Variants in NCAN observed in about 807,000 individuals in gnomAD.
NCAN encodes the protein neurocan core protein.
In NCAN, 47 loss-of-function variants were observed where a neutral mutation model predicts 121.8. The observed-to-expected ratio is 0.39, with a 90% CI of 0.31 to 0.49. The LOEUF is 0.49. Among genes scored for constraint, NCAN ranks in the 20% least tolerant of loss-of-function variants. The probability of loss-of-function intolerance (pLI) is 0.92; values close to 1 mark genes in which losing one functional copy is unlikely to be tolerated. For synonymous variants in NCAN, 633 were observed against 702.0 expected (o/e 0.90, Z 1.55); for missense variants, 1,517 against 1,773.4 (o/e 0.86, Z 2.60).
intron 8 of NCAN, among the ~76,000 whole-genome samples, chr19:19,231,330 C>CT (rs560601760): frequency 0.051 from 6,868 of 134,728 alleles, 243 homozygotes; most frequent in East Asian, 0.14. Flanking sequence ...CATGGGGTTT[C>CT]TTTTTTTTTT....
Position 19,250,115 on chromosome 19 carries a change from T to G in NCAN, c.*204T>G, listed in dbSNP as rs1295730995. 1.4e-6 allele frequency: 1 copy of G among 719,888 alleles called. No individual in the cohort carries two copies. Among genetic ancestry groups the G allele is most frequent in the African/African-American group, 1.7e-5 (1 of 57,658 alleles). 44.6% of individuals were successfully genotyped at this position (719,888 alleles called of 1,614,324 possible). A position where few individuals can be genotyped will look rare whatever the true frequency, so the allele number is the denominator to read the frequency against. On this transcript the variant is annotated 3_prime_UTR_variant, in exon 15 of 15. Coordinates refer to ENST00000252575, the MANE Select transcript of NCAN (RefSeq NM_004386.3). ...GATCCTCTTGGCAGGTGGAGCCAGG[T>G]GTCTGAAAAGTTCATTCTCGTCTGG...
chr19:19,225,401 A>T lies in NCAN; in HGVS notation c.1072+131A>T. On this transcript the variant is annotated intron_variant, in intron 6 of 14. Coordinates refer to ENST00000252575, the MANE Select transcript of NCAN (RefSeq NM_004386.3). The surrounding 1 kb of genome is among the most constrained non-coding windows in gnomAD (Gnocchi z 4.0). ...TTGTGATAAGCCACATCCCTGGGTG[A>T]GGGCCACGCCCCCGGGTGAAGGCCA... 8.6e-7 allele frequency: 1 copy of T among 1,162,460 alleles called. No homozygotes were observed. The highest frequency in any genetic ancestry group is 1.6e-5 in the African/African-American group (1 of 60,826). 72.0% of individuals were successfully genotyped at this position (1,162,460 alleles called of 1,614,324 possible). A position where few individuals can be genotyped will look rare whatever the true frequency, so the allele number is the denominator to read the frequency against.
chr19:19,225,233 C>A lies in NCAN; in HGVS notation c.1035C>A (p.Pro345=). Residue 345 remains proline, a synonymous_variant, in exon 6 of 15, where the codon CCC becomes CCA. Coordinates refer to ENST00000252575, the MANE Select transcript of NCAN (RefSeq NM_004386.3). This position sits in a 1 kb window ranked among gnomAD's most constrained non-coding sequence, Gnocchi z 4.0. Reference sequence around the variant, plus strand: ...GCTTCGCTAACCGGACCGGCTTCCCCTCACCCGCCGAGCGCTTCGACGCCT... The same window carrying A: ...GCTTCGCTAACCGGACCGGCTTCCCATCACCCGCCGAGCGCTTCGACGCCT... ...VYRFANRTGF[P]SPAERFDAYC... The A allele has an allele frequency of 6.4e-7, 1 of 1,571,482 alleles. No individual in the cohort carries two copies. The highest frequency in any genetic ancestry group is 8.6e-7 in the Non-Finnish European group (1 of 1,169,556).
intron 3 of NCAN, among the ~76,000 whole-genome samples, chr19:19,222,909 C>T (rs2060821932): frequency 6.6e-6 from 1 of 151,966 alleles, no homozygotes; most frequent in Non-Finnish European, 1.5e-5. Context: ...GAGATCAAGA[C>T]CATCCTGGCT....
chr19:19,235,984 C>A (rs536834625), intron 10 of NCAN, among the ~76,000 whole-genome samples: 14 of 152,242 alleles, frequency 9.2e-5, no homozygotes, highest in African/African-American at 3.4e-4. Context: ...TGAGCTCAAG[C>A]AATCTGTCCA....
chr19:19,220,679 G>A (rs950830034), intron 3 of NCAN, among the ~76,000 whole-genome samples: 19 of 152,018 alleles, frequency 1.2e-4, no homozygotes, highest in Non-Finnish European at 1.8e-4. Flanking sequence ...GGATGGTCTT[G>A]ATCTCCTGAC....
At chr19:19,247,215 A>G (rs984709399) in intron 13 of NCAN, among the ~76,000 whole-genome samples, 3 of 151,808 alleles carry the variant, frequency 2.0e-5, no homozygotes, top group African/African-American at 7.3e-5. Context: ...TCTTACCAGT[A>G]GCTGGACTAC....
chr19:19,216,850 C>G, intron 1 of NCAN, 97 bp from the exon 2 acceptor site: 1 of 633,672 alleles, frequency 1.6e-6, no homozygotes, highest in Non-Finnish European at 2.5e-6. Flanking sequence ...CCCTGGTTTC[C>G]TGATCTGTAG....
At chr19:19,237,683 G>A (rs1196388160) in intron 10 of NCAN, among the ~76,000 whole-genome samples, 1 of 152,106 alleles carries the variant, frequency 6.6e-6, no homozygotes, top group Admixed American at 6.6e-5. Flanking sequence ...GGAGCCTTCA[G>A]CATTGGAATG....
chr19:19,245,617 A>G (rs1381855661), intron 13 of NCAN, among the ~76,000 whole-genome samples, 160 bp downstream of exon 13: 3 of 152,102 alleles, frequency 2.0e-5, no homozygotes, highest in Admixed American at 6.6e-5. Flanking sequence ...AGGTGGGACT[A>G]TAGGCATGCA....
intron 13 of NCAN, among the ~76,000 whole-genome samples, chr19:19,247,200 C>T (rs2060927376): frequency 2.0e-5 from 3 of 152,006 alleles, no homozygotes; most frequent in South Asian, 4.2e-4. Flanking sequence ...ATACTCCTAC[C>T]TCAGTCTTAC....
chr19:19,230,830 C>T (rs1298931719), intron 8 of NCAN, among the ~76,000 whole-genome samples: 1 of 149,942 alleles, frequency 6.7e-6, no homozygotes, highest in Non-Finnish European at 1.5e-5. Context: ...GTGATCCTCC[C>T]ACATCAGCTT....
At position 19,245,308 on chromosome 19, in the gene NCAN, TG is replaced by T; in HGVS notation, c.3493-4del. The stretch of plus-strand genomic sequence containing the variant: ...TGAACAACTCCCTGCCCCCTATTCC[TG>T]CAGCAATTTGAGAACTGGCGAGAGA... On this transcript the variant is annotated splice_region_variant and splice_polypyrimidine_tract_variant and intron_variant, in intron 12 of 14. Transcript: ENST00000252575. 1 of 1,613,892 alleles carries T rather than the reference TG, an allele frequency of 6.2e-7. No homozygotes were observed. The highest frequency in any genetic ancestry group is 8.5e-7 in the Non-Finnish European group (1 of 1,179,868).
intron 8 of NCAN, among the ~76,000 whole-genome samples, chr19:19,229,719 C>T (rs552785259): frequency 6.6e-6 from 1 of 152,280 alleles, no homozygotes; most frequent in African/African-American, 2.4e-5. Context: ...CTGCAAATTC[C>T]AGCCCTTCTT....
chr19:19,228,664 G>A (rs761722816), intron 8 of NCAN, 25 bp downstream of exon 8: 1 of 1,579,264 alleles, frequency 6.3e-7, no homozygotes, highest in Non-Finnish European at 8.6e-7. Flanking sequence ...CCGGGGCTCT[G>A]TCCAGCTCTC....
In NCAN at chr19:19,233,903, T is replaced by C. The variant is rs746282362; in HGVS notation, c.3134T>C (p.Ile1045Thr). The C allele has an allele frequency of 1.9e-5, 30 of 1,590,574 alleles. No homozygotes were observed. The highest frequency in any genetic ancestry group is 2.5e-5 in the Non-Finnish European group (29 of 1,158,712). ...DQGFAGENCE[I>T]DIDDCLCSPC... Reference sequence around the variant, plus strand: ...GGCTTCGCCGGGGAGAACTGTGAGATTGGTGAGTACCCCAGACTCAGGATC... The same window carrying C: ...GGCTTCGCCGGGGAGAACTGTGAGACTGGTGAGTACCCCAGACTCAGGATC... The change falls in exon 9 of 15, where the codon ATT becomes ACT. Residue 1045 changes from isoleucine (I) to threonine (T), a missense_variant and splice_region_variant. Transcript: ENST00000252575.
At chr19:19,236,342 C>G (rs1453702001) in intron 10 of NCAN, among the ~76,000 whole-genome samples, 1 of 152,200 alleles carries the variant, frequency 6.6e-6, no homozygotes, top group Non-Finnish European at 1.5e-5. Flanking sequence ...TAATATGAAT[C>G]AGTGTTTCAT....
Position 19,252,192 on chromosome 19 carries a change from A to G in NCAN, c.*2281A>G. ...GTGGTATCTGACACTGTGGACATTA[A>G]TGTACTTCTTGGACATTTTAATAAA... On this transcript the variant is annotated 3_prime_UTR_variant, in exon 15 of 15. Transcript: ENST00000252575. 6.5e-6 allele frequency: 1 copy of G among 152,706 alleles called. No individual in the cohort carries two copies. The highest frequency in any genetic ancestry group is 1.9e-4 in the East Asian group (1 of 5,204). The allele number at this position is 152,706 out of a possible 1,614,324, so 9.5% of individuals were successfully genotyped here. A position where few individuals can be genotyped will look rare whatever the true frequency, so the allele number is the denominator to read the frequency against.
At position 19,240,628 on chromosome 19, in the gene NCAN, C is replaced by G. The variant is rs763895634; in HGVS notation, c.3435C>G (p.Ile1145Met). ...GCTTTGGGCATGAAAACACGTGGAT[C>G]GGCCTGAACGACAGGATCGTGGAGA... ...INSFGHENTW[I>M]GLNDRIVERD... is the part of the protein sequence containing the mutation. Residue 1145 changes from isoleucine (I) to methionine (M), a missense_variant, in exon 12 of 15, where the codon ATC becomes ATG. Physicochemically the swap from Ile to Met is conservative, Grantham distance 10 (BLOSUM62 1). Transcript: ENST00000252575. 3.7e-6 allele frequency: 6 copies of G among 1,613,956 alleles called. No homozygotes were observed. The highest frequency in any genetic ancestry group is 5.1e-6 in the Non-Finnish European group (6 of 1,180,048).
Sources: allele counts gnomAD v4.1 joint callset (sites outside exome capture counted in the v4.1 genomes callset), GRCh38; gene constraint gnomAD v4.1.1; non-coding constraint Gnocchi (gnomAD v3.1); transcripts MANE v1.5; gene names NCBI Gene and HGNC (gene_info 2026-07-23, HGNC 2026-07-21).